The following SOX6 variants were observed in gnomAD, a reference collection of about 807,000 sequenced individuals.
SOX6 encodes the protein SRY-box transcription factor 6.
Under a neutral mutation model 97.8 loss-of-function variants are expected in SOX6, and 11 were observed. The ratio of observed to expected loss-of-function variants is 0.11; its 90% CI spans 0.07 to 0.19. The LOEUF (loss-of-function observed/expected upper bound fraction) is 0.19. Among genes scored for constraint, SOX6 ranks in the 10% least tolerant of loss-of-function variants. The pLI, the probability that SOX6 is intolerant of heterozygous loss-of-function variation, is 1.00. For missense variants in SOX6, 810 were observed against 1,039.5 expected (o/e 0.78, Z 3.04); for synonymous variants, 360 against 371.4 (o/e 0.97, Z 0.35).
chr11:16,475,775 G>A (rs1017699986), intron 1 of SOX6, among the ~76,000 whole-genome samples: 8 of 152,052 alleles, frequency 5.3e-5, no homozygotes, highest in Admixed American at 5.2e-4. Flanking sequence ...ATGCAGGGTT[G>A]CCATAAACCT....
At chr11:16,059,050 T>C (rs1298401294) in intron 9 of SOX6, among the ~76,000 whole-genome samples, 1 of 152,130 alleles carries the variant, frequency 6.6e-6, no homozygotes, top group Non-Finnish European at 1.5e-5. Context: ...TTGATTCTTT[T>C]TGGCTTTACA....
intron 6 of SOX6, among the ~76,000 whole-genome samples, chr11:16,124,756 G>A (rs897369099): frequency 7.2e-5 from 11 of 152,028 alleles, no homozygotes; most frequent in Non-Finnish European, 1.6e-4. Context: ...AGTCACTGAA[G>A]GGTTTTAAAA....
intron 3 of SOX6, among the ~76,000 whole-genome samples, chr11:16,283,320 T>C (rs745957905): frequency 3.3e-5 from 5 of 150,294 alleles, no homozygotes; most frequent in East Asian, 1.9e-4. Flanking sequence ...AAAAAATAAA[T>C]TGATTAAAAA....
At chr11:16,112,404 T>C (rs1375966854) in intron 6 of SOX6, among the ~76,000 whole-genome samples, 1 of 152,190 alleles carries the variant, frequency 6.6e-6, no homozygotes, top group Non-Finnish European at 1.5e-5. Context: ...GGTATCTTAT[T>C]TCAAAGCCTC....
chr11:16,237,366 A>C (rs775631749), intron 3 of SOX6, among the ~76,000 whole-genome samples: 4 of 152,062 alleles, frequency 2.6e-5, no homozygotes, highest in Non-Finnish European at 5.9e-5. Flanking sequence ...GAAATGAGAA[A>C]ATATGTAATT....
chr11:16,113,556 C>T (rs933405234), intron 6 of SOX6, among the ~76,000 whole-genome samples: 2 of 152,056 alleles, frequency 1.3e-5, no homozygotes, highest in Non-Finnish European at 2.9e-5. Context: ...ACATCAGAGA[C>T]GAGGGCACTA....
intron 4 of SOX6, among the ~76,000 whole-genome samples, chr11:16,219,968 A>G (rs951248452): frequency 2.0e-5 from 3 of 152,114 alleles, no homozygotes; most frequent in African/African-American, 4.8e-5. Context: ...TATAAATATT[A>G]TCACAAATGT....
chr11:16,113,059 T>C (rs1280222604), intron 6 of SOX6, among the ~76,000 whole-genome samples: 1 of 152,186 alleles, frequency 6.6e-6, no homozygotes, highest in African/African-American at 2.4e-5. Flanking sequence ...AAATCTTCTC[T>C]TTAGGCAAAA....
rs558152987 is a variant in SOX6 at position 16,061,877 on chromosome 11, T to C, written c.1102-5976A>G. 8.6e-5 allele frequency among the ~76,000 whole-genome samples: 13 copies of C among 151,898 alleles called. No homozygotes were observed. In the East Asian group the frequency reaches 2.3e-3, roughly 27 times the overall value. On this transcript the variant is annotated intron_variant, in intron 9 of 15. Transcript: ENST00000683767. ...GAGACTGAATGCCTATCTCTCCCCA[T>C]ATACAAAAATCAACTCAAGATGGAT...
upstream of SOX6, among the ~76,000 whole-genome samples, chr11:16,358,706 A>G (rs1268443852): frequency 6.6e-6 from 1 of 152,136 alleles, no homozygotes; most frequent in Non-Finnish European, 1.5e-5. Flanking sequence ...TTCTGAAGGA[A>G]ACAGAATCAT....
intron 3 of SOX6, among the ~76,000 whole-genome samples, chr11:16,639,351 T>C (rs905049414): frequency 3.3e-5 from 5 of 152,238 alleles, no homozygotes; most frequent in Admixed American, 6.5e-5. Context: ...GGTAGCATGA[T>C]GCCTCTAGCT....
In SOX6 at chr11:16,281,380, A is replaced by G. The variant is rs551683891; in HGVS notation, c.445+37066T>C. Among the ~76,000 whole-genome samples, 6 of 152,184 alleles carry G rather than the reference A, an allele frequency of 3.9e-5. No homozygotes were observed. The South Asian group carries it at 6.2e-4, about 16-fold the overall frequency. On this transcript the variant is annotated intron_variant, in intron 3 of 15. Transcript: ENST00000683767. ...TTTCGTACATTTATTTGAATGAAAG[A>G]CACATGAATTACCATTGAAGATATG...
intron 3 of SOX6, among the ~76,000 whole-genome samples, chr11:16,245,798 T>C (rs1303540761): frequency 6.6e-6 from 1 of 151,522 alleles, no homozygotes; most frequent in Non-Finnish European, 1.5e-5. Flanking sequence ...TTCAAAAAAC[T>C]TTTAACATAT....
intron 1 of SOX6, among the ~76,000 whole-genome samples, chr11:16,412,387 T>C (rs909123397): frequency 6.6e-6 from 1 of 152,216 alleles, no homozygotes; most frequent in African/African-American, 2.4e-5. Context: ...ACCATAACAG[T>C]TGTGCAGTTA....
chr11:16,139,991 G>A (rs114709415), intron 6 of SOX6, among the ~76,000 whole-genome samples: 1,783 of 146,640 alleles, frequency 0.012, 36 homozygotes, highest in African/African-American at 0.042. Context: ...TATGACATAC[G>A]GGAGATAGGA....
intron 4 of SOX6, among the ~76,000 whole-genome samples, chr11:16,611,003 G>T (rs1590007537): frequency 6.6e-6 from 1 of 152,236 alleles, no homozygotes; most frequent in South Asian, 2.1e-4. Context: ...GGGGAACCTG[G>T]GAGGGAAGGA....
chr11:16,194,848 T>A (rs777746285), intron 4 of SOX6, among the ~76,000 whole-genome samples: 5 of 152,220 alleles, frequency 3.3e-5, no homozygotes, highest in Non-Finnish European at 5.9e-5. Flanking sequence ...TATAAGCCCA[T>A]CCTTTTTGGA....
chr11:16,474,849 A>G (rs937091398), intron 1 of SOX6, among the ~76,000 whole-genome samples: 1 of 152,184 alleles, frequency 6.6e-6, no homozygotes, highest in Non-Finnish European at 1.5e-5. Context: ...AAAGTCCTAG[A>G]TAGCATCTTC....
intron 4 of SOX6, chr11:16,606,105 T>C (rs554675429): frequency 6.6e-6 from 1 of 151,786 alleles, no homozygotes; most frequent in South Asian, 2.1e-4. Flanking sequence ...ACTCCAGTCG[T>C]CAGTCGGCCA....
Sources: allele counts gnomAD v4.1 joint callset (sites outside exome capture counted in the v4.1 genomes callset), GRCh38; gene constraint gnomAD v4.1.1; transcripts MANE v1.5; gene names NCBI Gene and HGNC (gene_info 2026-07-23, HGNC 2026-07-21).